PCDHA11: variants seen among roughly 807,000 people sequenced by gnomAD.
PCDHA11 encodes protocadherin alpha-11.
In PCDHA11, 61 loss-of-function variants were observed where a neutral mutation model predicts 70.3. That is an observed-to-expected ratio of 0.87 (90% CI 0.71 to 1.07). The LOEUF is 1.07. Ranked by LOEUF, PCDHA11 falls within the 50% of genes least tolerant of loss-of-function variation. The pLI is 0.00. For missense variants in PCDHA11, 1,324 were observed against 1,237.5 expected, an observed-to-expected ratio of 1.07 and a Z score of -1.05; for synonymous variants, 633 against 555.1, an observed-to-expected ratio of 1.14 and a Z score of -1.97.
At chr5:140,972,871 C>G (rs1436283252) in intron 1 of PCDHA11, among the ~76,000 whole-genome samples, 1 of 152,030 alleles carries the variant, frequency 6.6e-6, no homozygotes, top group Non-Finnish European at 1.5e-5. Flanking sequence ...ATCATGTTGT[C>G]CAGGATGGTC....
In PCDHA11 at chr5:140,883,265, C is replaced by G. The variant is rs782741439; in HGVS notation, c.2391+11771C>G. 4.5e-5 allele frequency: 73 copies of G among 1,613,790 alleles called. No homozygotes were observed. The highest frequency in any genetic ancestry group is 6.0e-5 in the Non-Finnish European group (71 of 1,179,996). ...CAAAGGAAATATTCCAATGGCGGGTCATTGTACCCTTTTGGTGGAAGTACT... is the reference window on the plus strand; with the variant it reads ...CAAAGGAAATATTCCAATGGCGGGTGATTGTACCCTTTTGGTGGAAGTACT... On this transcript the variant is annotated intron_variant, in intron 1 of 3. Transcript: ENST00000398640.
At chr5:140,909,995 A>G (rs1315885700) in intron 1 of PCDHA11, among the ~76,000 whole-genome samples, 2 of 152,178 alleles carry the variant, frequency 1.3e-5, no homozygotes, top group African/African-American at 4.8e-5. Flanking sequence ...AACAGCATAA[A>G]TTGTTGTCAG....
rs1554163840 is a variant in PCDHA11, at chr5:140,870,137, A to C, written c.1034A>C (p.Asn345Thr). 1 of 1,613,940 alleles carries C rather than the reference A, an allele frequency of 6.2e-7. No individual in the cohort carries two copies. Among genetic ancestry groups the C allele is most frequent in the Non-Finnish European group, 8.5e-7 (1 of 1,179,932 alleles). Residue 345 changes from asparagine (N) to threonine (T), a missense_variant, in exon 1 of 4, where the codon AAC (asparagine) becomes ACC (threonine). Transcript: ENST00000398640. ...VWVEILDTNDNSPEVAVTSLS... is the reference protein window; with the variant it reads ...VWVEILDTNDTSPEVAVTSLS... Reference sequence around the variant, plus strand: ...GTGGAAATCTTGGACACCAACGATAACTCTCCTGAAGTCGCCGTGACTTCC... The same window carrying C: ...GTGGAAATCTTGGACACCAACGATACCTCTCCTGAAGTCGCCGTGACTTCC...
chr5:140,987,001 G>T (rs2097221434), intron 3 of PCDHA11, among the ~76,000 whole-genome samples: 1 of 152,038 alleles, frequency 6.6e-6, no homozygotes. Context: ...ATCACTTGAG[G>T]TCATGAGTTC....
Position 141,009,900 on chromosome 5 carries a change from A to G in PCDHA11, c.2813A>G (p.Glu938Gly). The G allele has an allele frequency of 6.2e-7, 1 of 1,613,166 alleles. No individual in the cohort carries two copies. The highest frequency in any genetic ancestry group is 8.5e-7 in the Non-Finnish European group (1 of 1,179,840). Residue 938 changes from glutamate (E) to glycine (G), a missense_variant, in exon 4 of 4, where the codon GAG becomes GGG. Physicochemically the swap from Glu to Gly is moderately conservative, Grantham distance 98. Coordinates refer to ENST00000398640, the MANE Select transcript of PCDHA11 (RefSeq NM_018902.5). Reference sequence around the variant, plus strand: ...GGTAACAAGACCCAGGAGAAAAAAGAGAAAGGGAACAGCACGACTGACAAC... The same window carrying G: ...GGTAACAAGACCCAGGAGAAAAAAGGGAAAGGGAACAGCACGACTGACAAC... ...KKGNKTQEKK[E>G]KGNSTTDNSD...
At chr5:140,969,514 G>T (rs2096339995) in intron 1 of PCDHA11, 3 of 1,414,044 alleles carry the variant, frequency 2.1e-6, no homozygotes, top group Admixed American at 2.8e-5. Flanking sequence ...TAGCACTAAA[G>T]AATTGTTTTA....
chr5:141,005,118 C>T (rs546410334), intron 3 of PCDHA11, among the ~76,000 whole-genome samples: 1 of 152,198 alleles, frequency 6.6e-6, no homozygotes, highest in South Asian at 2.1e-4. Flanking sequence ...CTTTAGGGAC[C>T]CCAAAAGTGC....
intron 3 of PCDHA11, among the ~76,000 whole-genome samples, chr5:140,990,735 C>T (rs1554251705): frequency 6.6e-6 from 1 of 152,112 alleles, no homozygotes; most frequent in African/African-American, 2.4e-5. Flanking sequence ...ATATCAACAG[C>T]CCTAGGGTGG....
rs563116049 is a variant in PCDHA11, at chr5:140,869,756, G to A, written c.653G>A (p.Gly218Glu). ...TTGCTGCTAACAGCTACAGACGGGGGAAAACCAGAGCTTACTGGCACCGTT... is the reference window on the plus strand; with the variant it reads ...TTGCTGCTAACAGCTACAGACGGGGAAAAACCAGAGCTTACTGGCACCGTT... ...LNLLLTATDGGKPELTGTVRL... is the reference protein window; with the variant it reads ...LNLLLTATDGEKPELTGTVRL... The change falls in exon 1 of 4, where the codon GGA (glycine) becomes GAA (glutamate). Residue 218 changes from glycine to glutamate, a missense_variant. Coordinates refer to ENST00000398640, the MANE Select transcript of PCDHA11 (RefSeq NM_018902.5). The A allele has an allele frequency of 3.2e-5, 51 of 1,613,194 alleles. No individual in the cohort carries two copies. Among genetic ancestry groups the A allele is most frequent in the Non-Finnish European group, 4.0e-5 (47 of 1,179,718 alleles).
At chr5:140,936,640 C>T (rs782162757) in intron 1 of PCDHA11, among the ~76,000 whole-genome samples, 2 of 152,208 alleles carry the variant, frequency 1.3e-5, no homozygotes, top group Non-Finnish European at 2.9e-5. Flanking sequence ...TCATAAGCAA[C>T]GTGACTTTAT....
intron 1 of PCDHA11, among the ~76,000 whole-genome samples, chr5:140,963,640 CT>C (rs1426012343): frequency 6.6e-6 from 1 of 152,164 alleles, no homozygotes; most frequent in African/African-American, 2.4e-5. Flanking sequence ...CGCATCTTCC[CT>C]ATCATGGTTG....
rs1026092245 is a variant in PCDHA11 at position 140,987,228 on chromosome 5, T to A, written c.2539+4665T>A. On this transcript the variant is annotated intron_variant, in intron 3 of 3. Transcript: ENST00000398640. The stretch of plus-strand genomic sequence containing the variant: ...GACTCCATCTCAAAAAAAAAAAAAA[T>A]AATAAATAAAGAAAGAAAGACATTC... Among the ~76,000 whole-genome samples, 392 of 149,148 alleles carry A rather than the reference T, an allele frequency of 2.6e-3. 1 individual carries two copies. Among genetic ancestry groups the A allele is most frequent in the African/African-American group, 8.3e-3 (336 of 40,458 alleles).
chr5:140,943,522 G>T (rs2093513187), intron 1 of PCDHA11, among the ~76,000 whole-genome samples: 1 of 152,144 alleles, frequency 6.6e-6, no homozygotes, highest in Non-Finnish European at 1.5e-5. Flanking sequence ...GTTGAGTTCA[G>T]TATGCAAAAT....
intron 1 of PCDHA11, chr5:140,883,404 C>A: frequency 6.2e-7 from 1 of 1,614,222 alleles, no homozygotes; most frequent in Non-Finnish European, 8.5e-7. Context: ...GATCGTGACT[C>A]TGGCTCAAAT....
intron 1 of PCDHA11, among the ~76,000 whole-genome samples, chr5:140,885,868 A>G (rs1347875524): frequency 6.6e-6 from 1 of 152,202 alleles, no homozygotes; most frequent in Admixed American, 6.5e-5. Context: ...TCTATTGAAA[A>G]AAAATTTTTA....
intron 1 of PCDHA11, among the ~76,000 whole-genome samples, chr5:140,889,648 A>G (rs1414947366): frequency 6.6e-6 from 1 of 152,094 alleles, no homozygotes; most frequent in African/African-American, 2.4e-5. Flanking sequence ...TGTTTGCAGG[A>G]GATGTCCTCT....
chr5:140,985,885 G>A (rs1218097274), intron 3 of PCDHA11, among the ~76,000 whole-genome samples: 4 of 151,548 alleles, frequency 2.6e-5, no homozygotes, highest in Non-Finnish European at 5.9e-5. Flanking sequence ...GACTACAGGC[G>A]CCCGCCACCA....
intron 1 of PCDHA11, among the ~76,000 whole-genome samples, chr5:140,960,713 A>C (rs1272219565): frequency 6.6e-6 from 1 of 150,862 alleles, no homozygotes; most frequent in Non-Finnish European, 1.5e-5. Context: ...CCAAATACTC[A>C]TCTTATTTTA....
chr5:140,952,444 A>C (rs2094747203), intron 1 of PCDHA11, among the ~76,000 whole-genome samples: 2 of 152,178 alleles, frequency 1.3e-5, no homozygotes. Flanking sequence ...GGCATAATAC[A>C]GCCAGGCTCT....
Sources: allele counts gnomAD v4.1 joint callset (sites outside exome capture counted in the v4.1 genomes callset), GRCh38; gene constraint gnomAD v4.1.1; transcripts MANE v1.5; gene names NCBI Gene and HGNC (gene_info 2026-07-23, HGNC 2026-07-21).